Variants in PARVA observed in about 807,000 individuals in gnomAD.
PARVA encodes the protein parvin alpha.
PARVA carries 25 observed loss-of-function variants against 52.6 expected under a neutral mutation model. The observed-to-expected ratio is 0.48, with a 90% confidence interval of 0.35 to 0.66. The LOEUF is 0.66. Among genes scored for constraint, PARVA ranks in the 30% least tolerant of loss-of-function variants. The probability of loss-of-function intolerance (pLI) is 0.01; values close to 1 mark genes in which losing one functional copy is unlikely to be tolerated. For missense variants in PARVA, 373 were observed against 450.9 expected, an observed-to-expected ratio of 0.83 and a Z score of 1.56; for synonymous variants, 185 against 179.1, an observed-to-expected ratio of 1.03 and a Z score of -0.26.
At chr11:12,472,220 G>A (rs1050647351) in intron 1 of PARVA, among the ~76,000 whole-genome samples, 5 of 152,180 alleles carry the variant, frequency 3.3e-5, no homozygotes, top group Admixed American at 3.3e-4. Flanking sequence ...GATAGCTGAT[G>A]AGCTATTAAA....
At chr11:12,518,233 T>C (rs1480992731) in intron 11 of PARVA, among the ~76,000 whole-genome samples, 2 of 152,230 alleles carry the variant, frequency 1.3e-5, no homozygotes, top group African/African-American at 4.8e-5. Flanking sequence ...GGGAGTTTTG[T>C]GCTTCTCCAG....
chr11:12,525,538 A>G (rs972419540), intron 12 of PARVA, among the ~76,000 whole-genome samples: 9 of 152,090 alleles, frequency 5.9e-5, no homozygotes, highest in Non-Finnish European at 1.2e-4. Flanking sequence ...TCCCTGGAGT[A>G]ACTTCCTGGT....
At chr11:12,492,099 G>A (rs376250871) in intron 4 of PARVA, among the ~76,000 whole-genome samples, 11 of 152,188 alleles carry the variant, frequency 7.2e-5, no homozygotes, top group African/African-American at 2.4e-4. Context: ...CGTTAATATA[G>A]TGTGGTATAT....
chr11:12,506,401 G>A (rs1941431714), intron 6 of PARVA, among the ~76,000 whole-genome samples: 1 of 152,014 alleles, frequency 6.6e-6, no homozygotes, highest in African/African-American at 2.4e-5. Context: ...CCAGTTCTTT[G>A]TGCATGAATT....
chr11:12,486,768 C>T (rs1941164298), intron 4 of PARVA, among the ~76,000 whole-genome samples: 1 of 152,136 alleles, frequency 6.6e-6, no homozygotes, highest in Non-Finnish European at 1.5e-5. Context: ...ATCACTTGAG[C>T]CCAGGAGGCA....
intron 4 of PARVA, among the ~76,000 whole-genome samples, chr11:12,495,545 G>C (rs1195779909): frequency 1.3e-5 from 2 of 152,094 alleles, no homozygotes; most frequent in African/African-American, 4.8e-5. Flanking sequence ...CTGTTAAGGA[G>C]TCCAAAGTTG....
intron 4 of PARVA, among the ~76,000 whole-genome samples, chr11:12,487,036 C>G (rs751723069): frequency 2.6e-5 from 4 of 152,128 alleles, no homozygotes; most frequent in Admixed American, 6.5e-5. Flanking sequence ...GTGGAAGGAA[C>G]TCCAGCAGAG....
chr11:12,417,218 C>T (rs1011201668), intron 1 of PARVA, among the ~76,000 whole-genome samples: 3 of 152,088 alleles, frequency 2.0e-5, no homozygotes, highest in Non-Finnish European at 4.4e-5. Context: ...GGTTGTAAAT[C>T]CTGTGTAGAT....
upstream of PARVA, chr11:12,377,375 G>A (rs1939406097): frequency 7.4e-7 from 1 of 1,342,610 alleles, no homozygotes; most frequent in Non-Finnish European, 9.5e-7. Flanking sequence ...TGTCCTGCAA[G>A]GGGCAGTTTT....
chr11:12,459,455 C>T (rs372158497), intron 1 of PARVA, among the ~76,000 whole-genome samples: 8 of 151,970 alleles, frequency 5.3e-5, no homozygotes, highest in South Asian at 2.1e-4. Flanking sequence ...AAGAAAATAG[C>T]GTGTGCCCTA....
intron 1 of PARVA, among the ~76,000 whole-genome samples, chr11:12,445,571 C>T (rs180707084): frequency 3.4e-4 from 51 of 152,158 alleles, no homozygotes; most frequent in Admixed American, 9.8e-4. Context: ...ATACCAGGCT[C>T]TTTGTAACAT....
intron 1 of PARVA, among the ~76,000 whole-genome samples, chr11:12,459,250 CA>C (rs746409108): frequency 2.0e-5 from 3 of 151,088 alleles, no homozygotes; most frequent in Non-Finnish European, 4.4e-5. Flanking sequence ...ACAAAAAATA[CA>C]AAAATTAGCT....
intron 1 of PARVA, among the ~76,000 whole-genome samples, chr11:12,446,595 C>T (rs10831824): frequency 0.29 from 44,624 of 152,120 alleles, 7,130 homozygotes; most frequent in Non-Finnish European, 0.35. Context: ...TATATTAAAA[C>T]AGGCTAGGAT....
At chr11:12,414,886 T>C (rs543076285) in intron 1 of PARVA, among the ~76,000 whole-genome samples, 2 of 152,186 alleles carry the variant, frequency 1.3e-5, no homozygotes, top group East Asian at 1.9e-4. Context: ...CTGGTGGAAG[T>C]TGGCAAGCCT....
intron 1 of PARVA, among the ~76,000 whole-genome samples, chr11:12,381,428 C>T (rs1422590129): frequency 1.3e-5 from 2 of 152,128 alleles, no homozygotes; most frequent in East Asian, 3.8e-4. Context: ...TCTCCGAGGC[C>T]CAAGGACTCC....
chr11:12,440,805 C>T (rs898361557), intron 1 of PARVA, among the ~76,000 whole-genome samples: 1 of 152,248 alleles, frequency 6.6e-6, no homozygotes, highest in Non-Finnish European at 1.5e-5. Context: ...AACAGAGAAT[C>T]ACCTACAAAA....
intron 1 of PARVA, among the ~76,000 whole-genome samples, chr11:12,461,597 C>T (rs568739193): frequency 1.3e-5 from 2 of 152,320 alleles, no homozygotes; most frequent in African/African-American, 4.8e-5. Flanking sequence ...AATGTTTCAA[C>T]TCAAATTGTT....
chr11:12,439,611 A>G (rs1018020136), intron 1 of PARVA, among the ~76,000 whole-genome samples: 1 of 152,104 alleles, frequency 6.6e-6, no homozygotes, highest in African/African-American at 2.4e-5. Flanking sequence ...TCTCTGACTG[A>G]AGACCAGCAA....
chr11:12,532,906 A>G lies in PARVA; in HGVS notation c.*4981A>G, dbSNP rs1443780702. On this transcript the variant is annotated 3_prime_UTR_variant, in exon 13 of 13. Transcript: ENST00000334956. Reference sequence around the variant, plus strand: ...TTTCTCCTTTGAAAAACAGGTTGCCATCTACCTTTTTAAATGTCCCACTGT... The same window carrying G: ...TTTCTCCTTTGAAAAACAGGTTGCCGTCTACCTTTTTAAATGTCCCACTGT... Among the ~76,000 whole-genome samples the G allele has an allele frequency of 6.6e-6, 1 of 152,216 alleles. No individual in the cohort carries two copies.
Sources: allele counts gnomAD v4.1 joint callset (sites outside exome capture counted in the v4.1 genomes callset), GRCh38; gene constraint gnomAD v4.1.1; transcripts MANE v1.5; gene names NCBI Gene and HGNC (gene_info 2026-07-23, HGNC 2026-07-21).